UNC80: variants seen among roughly 807,000 people sequenced by gnomAD.
UNC80 encodes unc-80 subunit of NALCN channel complex, also known as protein unc-80 homolog.
UNC80 carries 164 observed loss-of-function variants against 384.6 expected under a neutral mutation model. The ratio of observed to expected loss-of-function variants is 0.43; its 90% CI spans 0.38 to 0.49. UNC80 has a LOEUF of 0.49. UNC80 is among the 20% of genes least tolerant of loss of function. The pLI, the probability that UNC80 is intolerant of heterozygous loss-of-function variation, is 0.00. For synonymous variants in UNC80, 1,486 were observed against 1,527.8 expected (o/e 0.97, Z 0.64); for missense variants, 3,330 against 4,143.0 (o/e 0.80, Z 5.39).
chr2:209,839,172 A>G lies in UNC80; in HGVS notation c.3042-50A>G, dbSNP rs1333970549. ...AGGAAGATGAAAGAAATTTAGGAGA[A>G]TTTCTCAAGTGTTGTCAGAAGTTTA... is the stretch of plus-strand genomic sequence containing the variant. On this transcript the variant is annotated intron_variant, in intron 18 of 64. Coordinates refer to ENST00000673920, the MANE Select transcript of UNC80 (RefSeq NM_001371986.1). The surrounding 1 kb of genome is among the most constrained non-coding windows in gnomAD (Gnocchi z 4.1). 1.3e-6 allele frequency: 2 copies of G among 1,495,420 alleles called. No homozygotes were observed. Among genetic ancestry groups the G allele is most frequent in the Non-Finnish European group, 1.8e-6 (2 of 1,104,116 alleles). 92.6% of individuals were successfully genotyped at this position (1,495,420 alleles called of 1,614,324 possible). A position where few individuals can be genotyped will look rare whatever the true frequency, so the allele number is the denominator to read the frequency against.
intron 56 of UNC80, 39 bp downstream of exon 56, chr2:209,973,309 T>G (rs1368973725): frequency 6.8e-7 from 1 of 1,468,704 alleles, no homozygotes. Context: ...TTTGTGCATG[T>G]GTATGTATAT....
At chr2:209,880,677 G>C (rs776845089) in intron 24 of UNC80, among the ~76,000 whole-genome samples, 20 of 152,098 alleles carry the variant, frequency 1.3e-4, no homozygotes, top group Non-Finnish European at 2.8e-4. Flanking sequence ...AAATAATTTA[G>C]TTCTGCTTGT....
intron 21 of UNC80, among the ~76,000 whole-genome samples, chr2:209,845,847 G>A (rs909071989): frequency 5.9e-5 from 9 of 151,980 alleles, no homozygotes; most frequent in African/African-American, 2.2e-4. Context: ...ATTGTATTTT[G>A]CAACAACTAC....
At chr2:209,795,776 T>C (rs965537760) in intron 7 of UNC80, 2 of 152,238 alleles carry the variant, frequency 1.3e-5, no homozygotes, top group Admixed American at 1.3e-4. Context: ...AAGTCAAGAA[T>C]TGAGGTTTGG....
intron 47 of UNC80, among the ~76,000 whole-genome samples, chr2:209,948,860 T>G (rs549228375): frequency 6.6e-6 from 1 of 152,304 alleles, no homozygotes; most frequent in South Asian, 2.1e-4. Context: ...AAATTAATTA[T>G]TAAGGAGTCT....
In UNC80 at chr2:209,839,458, G is replaced by C. The variant is rs1352712657; in HGVS notation, c.3250+28G>C. ...AAAAGTATGTCTGTATTTGTTTATG[G>C]ATTATCTTATTACCAACCATGTCCT... On this transcript the variant is annotated intron_variant, in intron 19 of 64. Transcript: ENST00000673920. This position sits in a 1 kb window ranked among gnomAD's most constrained non-coding sequence, Gnocchi z 4.1. 1.3e-6 allele frequency: 2 copies of C among 1,550,752 alleles called. No individual in the cohort carries two copies. The highest frequency in any genetic ancestry group is 1.4e-5 in the African/African-American group (1 of 73,020).
chr2:209,977,150 C>A, intron 58 of UNC80, 72 bp downstream of exon 58: 1 of 1,343,952 alleles, frequency 7.4e-7, no homozygotes, highest in African/African-American at 1.4e-5. Flanking sequence ...ATCCCTCTGT[C>A]CAGGTCACCA....
In UNC80 at chr2:209,793,856, C is replaced by T. The variant is rs756423127; in HGVS notation, c.935C>T (p.Ser312Phe). The change falls in exon 7 of 65, where the codon TCC becomes TTC. Residue 312 changes from serine to phenylalanine, a missense_variant. Ser to Phe is a radical substitution (Grantham distance 155). Coordinates refer to ENST00000673920, the MANE Select transcript of UNC80 (RefSeq NM_001371986.1). ...QTSQERGPSH[S>F]RASLVIPPCQ... is the part of the protein sequence containing the mutation. ...TCCCAGGAAAGAGGCCCATCACATT[C>T]CAGGTACCTGATTGCAATGTTAGGG... is the stretch of plus-strand genomic sequence containing the variant. 6.2e-7 allele frequency: 1 copy of T among 1,613,948 alleles called. No homozygotes were observed. Among genetic ancestry groups the T allele is most frequent in the South Asian group, 1.1e-5 (1 of 91,060 alleles).
At chr2:209,905,750 T>C (rs1329047917) in intron 29 of UNC80, among the ~76,000 whole-genome samples, 1 of 152,186 alleles carries the variant, frequency 6.6e-6, no homozygotes, top group African/African-American at 2.4e-5. Flanking sequence ...CAAATCAGAC[T>C]AAAGGAAATT....
chr2:209,793,242 C>G (rs1438512746), intron 6 of UNC80, among the ~76,000 whole-genome samples: 1 of 152,034 alleles, frequency 6.6e-6, no homozygotes, highest in East Asian at 1.9e-4. Flanking sequence ...TCATTGTGTC[C>G]GATTAGAAAA....
chr2:209,914,043 C>G (rs2089248929), intron 31 of UNC80, 103 bp downstream of exon 31: 1 of 1,363,258 alleles, frequency 7.3e-7, no homozygotes, highest in Admixed American at 2.7e-5. Context: ...GCTCCTAGGT[C>G]AAGTTAATGG....
At chr2:209,833,118 G>A (rs963869181) in intron 16 of UNC80, among the ~76,000 whole-genome samples, 2 of 152,094 alleles carry the variant, frequency 1.3e-5, no homozygotes, top group African/African-American at 4.8e-5. Flanking sequence ...AACCCAAAGC[G>A]TTCTCCATCC....
intron 22 of UNC80, among the ~76,000 whole-genome samples, chr2:209,858,613 G>C (rs2083112348): frequency 6.7e-6 from 1 of 150,104 alleles, no homozygotes; most frequent in Admixed American, 6.7e-5. Flanking sequence ...AGAATAGCTT[G>C]AACCCAGGAA....
intron 59 of UNC80, among the ~76,000 whole-genome samples, chr2:209,981,105 A>G (rs1352343530): frequency 1.3e-5 from 2 of 152,214 alleles, no homozygotes; most frequent in Non-Finnish European, 2.9e-5. Context: ...GATTACTTTG[A>G]TATTTTAAAT....
At chr2:209,883,426 CT>C (rs35807077) in intron 25 of UNC80, among the ~76,000 whole-genome samples, 616 of 100,520 alleles carry the variant, frequency 6.1e-3, no homozygotes, top group Middle Eastern at 0.013. Flanking sequence ...CCATTCCACT[CT>C]TTTTTTTTTT....
intron 7 of UNC80, among the ~76,000 whole-genome samples, chr2:209,797,481 T>C (rs1297772306): frequency 6.6e-6 from 1 of 152,250 alleles, no homozygotes; most frequent in Non-Finnish European, 1.5e-5. Flanking sequence ...GCTTCATCCA[T>C]GTCCCTGCAA....
intron 36 of UNC80, among the ~76,000 whole-genome samples, chr2:209,928,742 A>G (rs1393102883): frequency 2.0e-5 from 3 of 152,138 alleles, no homozygotes; most frequent in Admixed American, 1.3e-4. Context: ...ACCTATAGTC[A>G]CCCTACAGTG....
intron 56 of UNC80, among the ~76,000 whole-genome samples, 155 bp downstream of exon 56, chr2:209,973,425 A>G (rs1228951747): frequency 6.6e-6 from 1 of 152,228 alleles, no homozygotes; most frequent in Non-Finnish European, 1.5e-5. Flanking sequence ...TCAAACCAGA[A>G]TGTATTTAAA....
chr2:209,863,907 G>A (rs2083517969), intron 22 of UNC80, among the ~76,000 whole-genome samples: 1 of 151,840 alleles, frequency 6.6e-6, no homozygotes, highest in Non-Finnish European at 1.5e-5. Context: ...ATTTGGAGAA[G>A]AGGCACCCTG....
Sources: allele counts gnomAD v4.1 joint callset (sites outside exome capture counted in the v4.1 genomes callset), GRCh38; gene constraint gnomAD v4.1.1; non-coding constraint Gnocchi (gnomAD v3.1); transcripts MANE v1.5; gene names NCBI Gene and HGNC (gene_info 2026-07-23, HGNC 2026-07-21).